The following OVOL2 variants were observed in gnomAD, a reference collection of about 807,000 sequenced individuals.
The protein encoded by OVOL2 is transcription factor Ovo-like 2.
OVOL2 carries 13 observed loss-of-function variants against 18.1 expected under a neutral mutation model. That is an observed-to-expected ratio of 0.72 (90% confidence interval 0.47 to 1.14). OVOL2 has a LOEUF of 1.14. Among genes scored for constraint, OVOL2 ranks in the 50% most tolerant of loss-of-function variants. The pLI, the probability that OVOL2 is intolerant of heterozygous loss-of-function variation, is 0.00. For synonymous variants in OVOL2, 166 were observed against 162.7 expected (o/e 1.02, Z -0.16); for missense variants, 335 against 383.0 (o/e 0.87, Z 1.05).
chr20:18,046,442 C>T (rs2036724620), intron 2 of OVOL2, among the ~76,000 whole-genome samples: 1 of 152,150 alleles, frequency 6.6e-6, no homozygotes. Flanking sequence ...AGTCAAACCC[C>T]CAGAAGACTC....
Position 18,052,726 on chromosome 20 carries a change from T to C in OVOL2, c.321+3931A>G, listed in dbSNP as rs2149472. 6.8e-3 allele frequency among the ~76,000 whole-genome samples: 1,029 copies of C among 152,186 alleles called. 23 individuals carry two copies. Among genetic ancestry groups the C allele is most frequent in the South Asian group, 0.044 (211 of 4,816 alleles). ...AACTTAATTTATTTTGAAGAACCCATGGGAGAGGACAAAAAGAAAGAACAG... is the reference window on the plus strand; with the variant it reads ...AACTTAATTTATTTTGAAGAACCCACGGGAGAGGACAAAAAGAAAGAACAG... On this transcript the variant is annotated intron_variant, in intron 2 of 3. Transcript: ENST00000278780.
At chr20:18,052,445 G>A (rs760781629) in intron 2 of OVOL2, among the ~76,000 whole-genome samples, 22 of 152,174 alleles carry the variant, frequency 1.4e-4, no homozygotes, top group Admixed American at 4.6e-4. Context: ...ACTATTTATG[G>A]TTGAAATGGT....
intron 2 of OVOL2, among the ~76,000 whole-genome samples, chr20:18,050,171 A>G (rs1335657449): frequency 6.6e-6 from 1 of 152,212 alleles, no homozygotes; most frequent in Non-Finnish European, 1.5e-5. Context: ...GCACCGCCGA[A>G]GCTAGAGAAG....
chr20:18,052,084 G>A (rs923558443), intron 2 of OVOL2, among the ~76,000 whole-genome samples: 7 of 152,152 alleles, frequency 4.6e-5, no homozygotes, highest in Non-Finnish European at 1.0e-4. Flanking sequence ...AGTCACATGT[G>A]ATACTGGATG....
At chr20:18,027,846 C>T (rs1011872287) in intron 3 of OVOL2, among the ~76,000 whole-genome samples, 8 of 152,140 alleles carry the variant, frequency 5.3e-5, no homozygotes, top group Non-Finnish European at 7.4e-5. Flanking sequence ...CCTCCCATCT[C>T]GGCCTCCCAA....
chr20:18,031,635 T>C (rs1206409355), intron 3 of OVOL2, among the ~76,000 whole-genome samples: 1 of 152,122 alleles, frequency 6.6e-6, no homozygotes, highest in Non-Finnish European at 1.5e-5. Flanking sequence ...ATTTCGCAGA[T>C]TTGTCTTTAA....
chr20:18,034,871 G>C (rs11905551), intron 3 of OVOL2, among the ~76,000 whole-genome samples: 19,494 of 151,972 alleles, frequency 0.13, 2,983 homozygotes, highest in African/African-American at 0.34. Flanking sequence ...GAAGAGATGG[G>C]GGAGTCGGGG....
intron 2 of OVOL2, among the ~76,000 whole-genome samples, chr20:18,053,729 G>A (rs1045951823): frequency 2.7e-5 from 4 of 149,118 alleles, no homozygotes; most frequent in Admixed American, 1.3e-4. Context: ...AGAGGAACCC[G>A]ATTGAGGTTT....
At chr20:18,058,630 C>G (rs2122735348), upstream of OVOL2, among the ~76,000 whole-genome samples, 1 of 151,868 alleles carries the variant, frequency 6.6e-6, no homozygotes, top group South Asian at 2.1e-4. Flanking sequence ...CAAAACAAGC[C>G]CCCAATCCTC....
chr20:18,058,404 A>ACCCCCCC (rs11326055), upstream of OVOL2, among the ~76,000 whole-genome samples: 1 of 128,932 alleles, frequency 7.8e-6, no homozygotes, highest in Admixed American at 8.0e-5. Context: ...CAGCTACAAC[A>ACCCCCCC]CCCCCCCCCC....
chr20:18,037,951 A>C (rs2122704518), intron 3 of OVOL2, among the ~76,000 whole-genome samples: 1 of 152,254 alleles, frequency 6.6e-6, no homozygotes. Flanking sequence ...CCAAACTAAG[A>C]CACTCCTCAT....
intron 3 of OVOL2, among the ~76,000 whole-genome samples, chr20:18,026,053 C>T (rs906392407): frequency 6.6e-6 from 1 of 152,214 alleles, no homozygotes; most frequent in Non-Finnish European, 1.5e-5. Context: ...AACAAGATCT[C>T]ATGCTGGCAT....
intron 3 of OVOL2, among the ~76,000 whole-genome samples, chr20:18,040,581 G>A (rs997077138): frequency 2.6e-5 from 4 of 152,148 alleles, no homozygotes; most frequent in African/African-American, 7.2e-5. Flanking sequence ...GTGGACAATG[G>A]AGCTCAGGCG....
intron 2 of OVOL2, among the ~76,000 whole-genome samples, chr20:18,053,852 G>A (rs535620736): frequency 6.6e-5 from 10 of 151,812 alleles, no homozygotes; most frequent in Admixed American, 1.3e-4. Context: ...GCTCTTTACC[G>A]CCAACTCTCT....
In OVOL2 at chr20:18,027,681, C is replaced by T. The variant is rs374751810; in HGVS notation, c.512-2729G>A. On this transcript the variant is annotated intron_variant, in intron 3 of 3. Transcript: ENST00000278780. ...CACCATCTCGGCTCACTGCAAGCTC[C>T]GCCTCCTGGGTTCACATCATTCTCC... Among the ~76,000 whole-genome samples the T allele has an allele frequency of 5.9e-5, 9 of 152,022 alleles. No individual in the cohort carries two copies. In the East Asian group the frequency reaches 1.2e-3, roughly 20 times the overall value.
At chr20:18,049,121 T>C (rs1160866499) in intron 2 of OVOL2, among the ~76,000 whole-genome samples, 1 of 152,240 alleles carries the variant, frequency 6.6e-6, no homozygotes, top group Admixed American at 6.5e-5. Context: ...TTCTGAGCAC[T>C]GTCCTGTTTT....
At position 18,053,429 on chromosome 20, in the gene OVOL2, G is replaced by A. The variant is rs145383020; in HGVS notation, c.321+3228C>T. 6.5e-3 allele frequency among the ~76,000 whole-genome samples: 982 copies of A among 152,222 alleles called. 12 individuals carry two copies. The highest frequency in any genetic ancestry group is 0.021 in the African/African-American group (893 of 41,540). On this transcript the variant is annotated intron_variant, in intron 2 of 3. Transcript: ENST00000278780. The stretch of plus-strand genomic sequence containing the variant: ...AAGAGGGACCCAAATGGCAGGGCGC[G>A]GTGGCTCACACCTGTAATCCCAGCA...
intron 2 of OVOL2, among the ~76,000 whole-genome samples, chr20:18,054,923 G>A (rs1022799211): frequency 6.6e-6 from 1 of 152,234 alleles, no homozygotes. Context: ...CCAATGCCAT[G>A]GCTGATAATA....
chr20:18,047,905 T>C (rs2036738687), intron 2 of OVOL2, among the ~76,000 whole-genome samples: 1 of 150,146 alleles, frequency 6.7e-6, no homozygotes, highest in Non-Finnish European at 1.5e-5. Flanking sequence ...TAAATCTTAA[T>C]TTAATTAACC....
Sources: gnomAD v4.1 joint callset for allele counts (sites outside exome capture counted in the v4.1 genomes callset) on GRCh38, gnomAD v4.1.1 for gene constraint, MANE v1.5 for transcripts, NCBI Gene and HGNC (gene_info 2026-07-23, HGNC 2026-07-21) for gene names.